Variants in DCDC1 observed in about 807,000 individuals in gnomAD.
DCDC1 encodes the protein doublecortin domain containing 1.
Under a neutral mutation model 178.3 loss-of-function variants are expected in DCDC1, and 200 were observed. The ratio of observed to expected loss-of-function variants is 1.12; its 90% confidence interval spans 1.00 to 1.26. DCDC1 has a LOEUF of 1.26. Ranked by LOEUF, DCDC1 falls within the 50% of genes most tolerant of loss-of-function variation. The pLI is 0.00. For synonymous variants in DCDC1, 690 were observed against 604.8 expected (o/e 1.14, Z -2.07); for missense variants, 1,983 against 1,749.2 (o/e 1.13, Z -2.38).
At position 31,106,912 on chromosome 11, in the gene DCDC1, G is replaced by A. The variant is rs781752249; in HGVS notation, c.1636C>T (p.Pro546Ser). 3.9e-6 allele frequency: 3 copies of A among 765,964 alleles called. No homozygotes were observed. The highest frequency in any genetic ancestry group is 4.9e-5 in the East Asian group (2 of 41,186). 47.4% of individuals were successfully genotyped at this position (765,964 alleles called of 1,614,324 possible). Residue 546 changes from proline (P) to serine (S), a missense_variant, in exon 13 of 39, where the codon CCA becomes TCA. Physicochemically the swap from Pro to Ser is moderately conservative, Grantham distance 74. Coordinates refer to ENST00000684477, the MANE Select transcript of DCDC1 (RefSeq NM_001387274.1). The part of the protein sequence containing the change: ...QRLQGSSINP[P>S]GLNYSSMRLF... ...CGCATTGAAGAATAATTGAGGCCTG[G>A]TGGGTTGATGGAAGAACCTTGAAGC...
At chr11:31,297,397 T>C (rs1055365892) in intron 6 of DCDC1, among the ~76,000 whole-genome samples, 2 of 152,074 alleles carry the variant, frequency 1.3e-5, no homozygotes, top group African/African-American at 4.8e-5. Context: ...TCTCGCTATG[T>C]CACCCAGCCT....
At position 31,176,910 on chromosome 11, in the gene DCDC1, C is replaced by T. The variant is rs78318455; in HGVS notation, c.1222-39126G>A. Reference sequence around the variant, plus strand: ...ACAAGAAATACTTAAGGGAATGCTACGACTGGAAACAAAAGAACAATAATT... The same window carrying T: ...ACAAGAAATACTTAAGGGAATGCTATGACTGGAAACAAAAGAACAATAATT... On this transcript the variant is annotated intron_variant, in intron 9 of 38. Coordinates refer to ENST00000684477, the MANE Select transcript of DCDC1 (RefSeq NM_001387274.1). Among the ~76,000 whole-genome samples the T allele has an allele frequency of 8.9e-3, 1,357 of 152,170 alleles. 24 individuals are homozygous for T. The highest frequency in any genetic ancestry group is 0.031 in the African/African-American group (1,305 of 41,528).
intron 23 of DCDC1, among the ~76,000 whole-genome samples, chr11:30,923,721 A>G (rs1407978003): frequency 6.6e-6 from 1 of 151,634 alleles, no homozygotes; most frequent in African/African-American, 2.4e-5. Flanking sequence ...AGGGCTCGTG[A>G]TTCTCGTGCC....
chr11:31,314,761 G>A (rs964364314), intron 3 of DCDC1, among the ~76,000 whole-genome samples: 3 of 152,160 alleles, frequency 2.0e-5, no homozygotes, highest in Non-Finnish European at 4.4e-5. Context: ...TTAACTTAAA[G>A]ATAACTGATT....
At chr11:31,117,329 TA>T (rs1244401640) in intron 11 of DCDC1, among the ~76,000 whole-genome samples, 1 of 151,828 alleles carries the variant, frequency 6.6e-6, no homozygotes, top group Non-Finnish European at 1.5e-5. Flanking sequence ...GGGTAGATCC[TA>T]CTTTTATCTA....
At chr11:31,136,865 A>G (rs570825333) in intron 10 of DCDC1, among the ~76,000 whole-genome samples, 5 of 152,290 alleles carry the variant, frequency 3.3e-5, no homozygotes, top group South Asian at 2.1e-4. Flanking sequence ...TTGCTTTAAT[A>G]ATAATATTGT....
chr11:31,142,930 T>C (rs531912345), intron 9 of DCDC1, among the ~76,000 whole-genome samples: 5 of 152,270 alleles, frequency 3.3e-5, no homozygotes, highest in South Asian at 2.1e-4. Flanking sequence ...ATTGGGAACC[T>C]GAGCTGAACC....
chr11:31,235,708 C>G (rs1019901470), intron 9 of DCDC1, among the ~76,000 whole-genome samples: 1 of 151,898 alleles, frequency 6.6e-6, no homozygotes. Context: ...CACTTTTCAT[C>G]AAAATGTTCA....
intron 9 of DCDC1, among the ~76,000 whole-genome samples, chr11:31,209,017 C>T (rs1461693891): frequency 1.3e-5 from 2 of 152,148 alleles, no homozygotes; most frequent in Non-Finnish European, 2.9e-5. Flanking sequence ...TATGCGTGTA[C>T]ATTTCTCAAT....
chr11:30,998,320 A>AG (rs140336621), intron 20 of DCDC1, among the ~76,000 whole-genome samples: 275 of 152,054 alleles, frequency 1.8e-3, no homozygotes, highest in African/African-American at 6.2e-3. Context: ...AAAAGTGGGG[A>AG]GGGGGGAGGA....
At chr11:31,111,169 T>A (rs1163882801) in intron 11 of DCDC1, among the ~76,000 whole-genome samples, 1 of 152,176 alleles carries the variant, frequency 6.6e-6, no homozygotes, top group Non-Finnish European at 1.5e-5. Flanking sequence ...CCCTGCTTTT[T>A]ATTTTTTTTC....
At chr11:31,169,841 G>A (rs1966987497) in intron 9 of DCDC1, among the ~76,000 whole-genome samples, 1 of 152,174 alleles carries the variant, frequency 6.6e-6, no homozygotes, top group African/African-American at 2.4e-5. Context: ...GAACTTCAGG[G>A]AGAAGGATGC....
rs183741564 is a variant in DCDC1, at chr11:30,892,775, T to A, written c.5082+43A>T. 217 of 1,607,312 alleles carry A rather than the reference T, an allele frequency of 1.4e-4. 1 individual carries two copies. In the Middle Eastern group the frequency reaches 7.0e-3, roughly 52 times the overall value. Reference sequence around the variant, plus strand: ...AATCTAGAAATATCAGAGCTGGGATTCAAACTCAGGCCTATGAAACACTCC... The same window carrying A: ...AATCTAGAAATATCAGAGCTGGGATACAAACTCAGGCCTATGAAACACTCC... On this transcript the variant is annotated intron_variant, in intron 36 of 38. Transcript: ENST00000684477.
At chr11:31,010,784 T>G (rs1368038510) in intron 20 of DCDC1, among the ~76,000 whole-genome samples, 1 of 152,214 alleles carries the variant, frequency 6.6e-6, no homozygotes, top group Admixed American at 6.5e-5. Flanking sequence ...ATTTTTGTCT[T>G]GATAAATTCT....
chr11:31,003,576 C>A (rs1368234496), intron 20 of DCDC1, among the ~76,000 whole-genome samples: 1 of 152,092 alleles, frequency 6.6e-6, no homozygotes, highest in African/African-American at 2.4e-5. Flanking sequence ...TAAGCAAGAT[C>A]TTAAGGATAA....
At chr11:30,987,076 G>T (rs915784710) in intron 20 of DCDC1, among the ~76,000 whole-genome samples, 2 of 152,164 alleles carry the variant, frequency 1.3e-5, no homozygotes, top group African/African-American at 2.4e-5. Context: ...GAGTGCCGTA[G>T]CATAATCTAG....
chr11:31,359,101 T>G (rs1951559329), intron 1 of DCDC1, among the ~76,000 whole-genome samples: 1 of 152,186 alleles, frequency 6.6e-6, no homozygotes, highest in Non-Finnish European at 1.5e-5. Context: ...CCCAAAGGAC[T>G]ATAAATCATG....
chr11:31,046,468 G>T (rs1245159051), intron 20 of DCDC1, among the ~76,000 whole-genome samples: 1 of 151,946 alleles, frequency 6.6e-6, no homozygotes, highest in Non-Finnish European at 1.5e-5. Context: ...AACTTATTTT[G>T]AAACACTGAA....
At chr11:31,223,632 GT>G (rs1974548121) in intron 9 of DCDC1, among the ~76,000 whole-genome samples, 4 of 152,132 alleles carry the variant, frequency 2.6e-5, no homozygotes, top group Non-Finnish European at 4.4e-5. Context: ...GTAGACTGTA[GT>G]ATGTTCATAC....
Sources: allele counts gnomAD v4.1 joint callset (sites outside exome capture counted in the v4.1 genomes callset), GRCh38; gene constraint gnomAD v4.1.1; transcripts MANE v1.5; gene names NCBI Gene and HGNC (gene_info 2026-07-23, HGNC 2026-07-21).